The following LRRC55 variants were observed in gnomAD, a reference collection of about 807,000 sequenced individuals.
LRRC55 encodes the protein leucine-rich repeat-containing protein 55.
LRRC55 carries 11 observed loss-of-function variants against 20.5 expected under a neutral mutation model. The ratio of observed to expected loss-of-function variants is 0.54; its 90% CI spans 0.34 to 0.89. The LOEUF (loss-of-function observed/expected upper bound fraction) is 0.89, where lower values mean the gene tolerates loss of function less well. Among genes scored for constraint, LRRC55 ranks in the 40% least tolerant of loss-of-function variants. The pLI, the probability that LRRC55 is intolerant of heterozygous loss-of-function variation, is 0.02. For synonymous variants in LRRC55, 188 were observed against 166.6 expected (o/e 1.13, Z -0.99); for missense variants, 358 against 390.9 (o/e 0.92, Z 0.71).
chr11:57,183,782 A>G (rs905100367), intron 1 of LRRC55, among the ~76,000 whole-genome samples: 1 of 152,212 alleles, frequency 6.6e-6, no homozygotes, highest in African/African-American at 2.4e-5. Context: ...TCCCAACTGG[A>G]GGGTGGACTG....
At chr11:57,185,270 CTTTTTTTTTTTTTTT>C (rs58800728) in intron 1 of LRRC55, among the ~76,000 whole-genome samples, 104 of 89,442 alleles carry the variant, frequency 1.2e-3, no homozygotes, top group African/African-American at 5.1e-3. Flanking sequence ...CTTTTCTTTT[CTTTTTTTTTTTTTTT>C]TTTTTTTTTT....
chr11:57,187,812 C>CT lies in LRRC55; in HGVS notation c.*333dup. On this transcript the variant is annotated 3_prime_UTR_variant, in exon 2 of 2. Coordinates refer to ENST00000497933, the MANE Select transcript of LRRC55 (RefSeq NM_001005210.4). ...CCAGAGGAGGAGCCATCATCTGTATCTAGCAATGTCCATGAGAATTATAAG... is the reference window on the plus strand; with the variant it reads ...CCAGAGGAGGAGCCATCATCTGTATCTTAGCAATGTCCATGAGAATTATAAG... 1 of 405,788 alleles carries CT rather than the reference C, an allele frequency of 2.5e-6. No individual in the cohort carries two copies. The highest frequency in any genetic ancestry group is 4.5e-6 in the Non-Finnish European group (1 of 223,740). The allele number at this position is 405,788 out of a possible 1,614,324, so 25.1% of individuals were successfully genotyped here.
rs1255842065 is a variant in LRRC55 at position 57,191,568 on chromosome 11, T to C, written c.*4088T>C. 8.1e-6 allele frequency: 1 copy of C among 122,890 alleles called. No homozygotes were observed. The highest frequency in any genetic ancestry group is 1.6e-5 in the Non-Finnish European group (1 of 61,096). The allele number at this position is 122,890 out of a possible 1,614,324, so 7.6% of individuals were successfully genotyped here. A position where few individuals can be genotyped will look rare whatever the true frequency, so the allele number is the denominator to read the frequency against. ...TAAGCACTGTCCTGTAATGTGCTAA[T>C]GTCTGGGGGTGGGAGGGCTGGGGAG... On this transcript the variant is annotated 3_prime_UTR_variant, in exon 2 of 2. Transcript: ENST00000497933.
intron 1 of LRRC55, among the ~76,000 whole-genome samples, chr11:57,186,354 C>T (rs576746115): frequency 6.6e-6 from 1 of 152,234 alleles, no homozygotes; most frequent in East Asian, 1.9e-4. Flanking sequence ...TGTTCTCATG[C>T]TAAAGATACC....
In LRRC55 at chr11:57,187,106, G is replaced by C. The variant is rs1282244429; in HGVS notation, c.662-139G>C. On this transcript the variant is annotated intron_variant, in intron 1 of 1. Coordinates refer to ENST00000497933, the MANE Select transcript of LRRC55 (RefSeq NM_001005210.4). ...TTGAGAGTTGTTGAGGGAACTAAAG[G>C]AGTTAAGTAGAATTCTTGGCACATG... 6.6e-6 allele frequency: 5 copies of C among 758,844 alleles called. 1 individual carries two copies. In the East Asian group the frequency reaches 7.5e-5, roughly 11 times the overall value. The allele number at this position is 758,844 out of a possible 1,614,324, so 47.0% of individuals were successfully genotyped here.
Position 57,190,470 on chromosome 11 carries a change from C to T in LRRC55, c.*2990C>T, listed in dbSNP as rs766361952. ...TCTTGTCCAAGCTATCAGAAGCAACCTTCTAGAGATAATCTAACAATCCTG... is the reference window on the plus strand; with the variant it reads ...TCTTGTCCAAGCTATCAGAAGCAACTTTCTAGAGATAATCTAACAATCCTG... On this transcript the variant is annotated 3_prime_UTR_variant, in exon 2 of 2. Coordinates refer to ENST00000497933, the MANE Select transcript of LRRC55 (RefSeq NM_001005210.4). 1 of 152,214 alleles carries T rather than the reference C, an allele frequency of 6.6e-6. No individual in the cohort carries two copies. The highest frequency in any genetic ancestry group is 6.5e-5 in the Admixed American group (1 of 15,286). The allele number at this position is 152,214 out of a possible 1,614,324, so 9.4% of individuals were successfully genotyped here. A position where few individuals can be genotyped will look rare whatever the true frequency, so the allele number is the denominator to read the frequency against.
Position 57,189,779 on chromosome 11 carries a change from GC to G in LRRC55, c.*2302del. 6.6e-6 allele frequency: 1 copy of G among 152,152 alleles called. No homozygotes were observed. The highest frequency in any genetic ancestry group is 1.9e-4 in the East Asian group (1 of 5,190). 9.4% of individuals were successfully genotyped at this position (152,152 alleles called of 1,614,324 possible). On this transcript the variant is annotated 3_prime_UTR_variant, in exon 2 of 2. Coordinates refer to ENST00000497933, the MANE Select transcript of LRRC55 (RefSeq NM_001005210.4). ...CCCAAGCTCCAGCGGTATTCTATCAGCCCATCCTCCTGGAAAGCCTGAAAGG... is the reference window on the plus strand; with the variant it reads ...CCCAAGCTCCAGCGGTATTCTATCAGCCATCCTCCTGGAAAGCCTGAAAGG...
intron 1 of LRRC55, 106 bp from the exon 2 acceptor site, chr11:57,187,139 T>C: frequency 1.0e-6 from 1 of 1,002,760 alleles, no homozygotes; most frequent in Admixed American, 2.0e-5. Flanking sequence ...ATGGAAGAAC[T>C]TCAATGAATG....
At chr11:57,186,171 G>A (rs2135335232) in intron 1 of LRRC55, among the ~76,000 whole-genome samples, 1 of 152,282 alleles carries the variant, frequency 6.6e-6, no homozygotes, top group South Asian at 2.1e-4. Flanking sequence ...AGCAAGGGGT[G>A]AAGAGGGGAT....
chr11:57,185,675 GC>G (rs1018709813), intron 1 of LRRC55, among the ~76,000 whole-genome samples: 16 of 152,144 alleles, frequency 1.1e-4, no homozygotes, highest in Admixed American at 3.3e-4. Context: ...CAAGGTAAGA[GC>G]TTGATTAATA....
Position 57,187,544 on chromosome 11 carries a change from C to T in LRRC55, c.*64C>T. On this transcript the variant is annotated 3_prime_UTR_variant, in exon 2 of 2. Transcript: ENST00000497933. ...CAGCTGCTGGCCACCAGACGCCCTC[C>T]CTGACTGCTCACTCTGGTTCCATGG... The T allele has an allele frequency of 7.0e-7, 1 of 1,432,644 alleles. No homozygotes were observed. Among genetic ancestry groups the T allele is most frequent in the Non-Finnish European group, 9.6e-7 (1 of 1,039,100 alleles). The allele number at this position is 1,432,644 out of a possible 1,614,324, so 88.7% of individuals were successfully genotyped here.
At position 57,187,567 on chromosome 11, in the gene LRRC55, T is replaced by C; in HGVS notation, c.*87T>C. 2 of 1,265,352 alleles carry C rather than the reference T, an allele frequency of 1.6e-6. No individual in the cohort carries two copies. Among genetic ancestry groups the C allele is most frequent in the East Asian group, 2.5e-5 (1 of 40,006 alleles). The allele number at this position is 1,265,352 out of a possible 1,614,324, so 78.4% of individuals were successfully genotyped here. ...TCCCTGACTGCTCACTCTGGTTCCA[T>C]GGTGACCTGGCTGCCTCAGTCATGG... is the stretch of plus-strand genomic sequence containing the variant. On this transcript the variant is annotated 3_prime_UTR_variant, in exon 2 of 2. Coordinates refer to ENST00000497933, the MANE Select transcript of LRRC55 (RefSeq NM_001005210.4).
rs1304026829 is a variant in LRRC55 at position 57,182,123 on chromosome 11, C to G, written c.101C>G (p.Ala34Gly). Reference protein sequence around the residue: ...LLAAGLMHSDAGTSCPVLCTC... With the variant: ...LLAAGLMHSDGGTSCPVLCTC... ...GCAGCCGGGTTGATGCACTCGGATG[C>G]CGGCACCAGCTGCCCCGTCCTTTGC... The change falls in exon 1 of 2, where the codon GCC becomes GGC. Residue 34 changes from alanine to glycine, a missense_variant. Ala to Gly is a moderately conservative substitution (Grantham distance 60, BLOSUM62 0). Around this residue, in one of 3 missense-constraint regions of LRRC55, gnomAD observed 175 missense variants for 164.5 expected, o/e 1.06. Transcript: ENST00000497933. The G allele has an allele frequency of 6.2e-7, 1 of 1,614,022 alleles. No homozygotes were observed. Among genetic ancestry groups the G allele is most frequent in the Non-Finnish European group, 8.5e-7 (1 of 1,180,048 alleles).
intron 1 of LRRC55, among the ~76,000 whole-genome samples, chr11:57,185,399 G>A (rs1854419453): frequency 6.8e-6 from 1 of 146,214 alleles, no homozygotes; most frequent in Admixed American, 7.0e-5. Context: ...TCCTGCCTCA[G>A]CCTCCCGAGT....
At chr11:57,184,025 G>C (rs537989527) in intron 1 of LRRC55, among the ~76,000 whole-genome samples, 22 of 152,340 alleles carry the variant, frequency 1.4e-4, no homozygotes, top group African/African-American at 5.3e-4. Flanking sequence ...GCTGAATGTG[G>C]TAAAAGGGAG....
At position 57,182,196 on chromosome 11, in the gene LRRC55, C is replaced by T. The variant is rs371025476; in HGVS notation, c.174C>T (p.Ser58=). ...ATTGTAGCAGCCAGCGGCTATTCTC[C>T]GTGCCCCCAGACCTGCCAATGGACA... The part of the protein sequence containing the change: ...VVDCSSQRLF[S]VPPDLPMDTR... The change falls in exon 1 of 2, where the codon TCC becomes TCT. Residue 58 remains serine, a synonymous_variant. Coordinates refer to ENST00000497933, the MANE Select transcript of LRRC55 (RefSeq NM_001005210.4). The T allele has an allele frequency of 5.3e-5, 86 of 1,614,076 alleles. No homozygotes were observed. Among genetic ancestry groups the T allele is most frequent in the Admixed American group, 1.0e-4 (6 of 60,008 alleles).
chr11:57,185,234 T>C (rs1854415018), intron 1 of LRRC55, among the ~76,000 whole-genome samples: 1 of 151,228 alleles, frequency 6.6e-6, no homozygotes, highest in Non-Finnish European at 1.5e-5. Context: ...TCTCAGAAAA[T>C]TTAGATTGGA....
At position 57,182,628 on chromosome 11, in the gene LRRC55, C is replaced by T. The variant is rs2135331738; in HGVS notation, c.606C>T (p.Cys202=). 1 of 1,520,502 alleles carries T rather than the reference C, an allele frequency of 6.6e-7. No homozygotes were observed. The highest frequency in any genetic ancestry group is 8.8e-7 in the Non-Finnish European group (1 of 1,135,502). The allele number at this position is 1,520,502 out of a possible 1,614,324, so 94.2% of individuals were successfully genotyped here. A position where few individuals can be genotyped will look rare whatever the true frequency, so the allele number is the denominator to read the frequency against. Residue 202 remains cysteine, a synonymous_variant, in exon 1 of 2, where the codon TGC becomes TGT. Coordinates refer to ENST00000497933, the MANE Select transcript of LRRC55 (RefSeq NM_001005210.4). ...GTGGCAATCCCTGGGTGTGTGGCTG[C>T]ACCATGGAACCCCTGCTGAAGTGGC... ...QIGGNPWVCG[C]TMEPLLKWLR...
chr11:57,182,701 C>A lies in LRRC55; in HGVS notation c.661+18C>A, dbSNP rs57148791. The A allele has an allele frequency of 4.1e-6, 6 of 1,462,926 alleles. No homozygotes were observed. Among genetic ancestry groups the A allele is most frequent in the Non-Finnish European group, 5.4e-6 (6 of 1,104,244 alleles). 90.6% of individuals were successfully genotyped at this position (1,462,926 alleles called of 1,614,324 possible). ...TACAGCAGGTAATAGAGGGGCAGAA[C>A]GGGGCAGTCAACAGGGAGGGCTTGC... is the stretch of plus-strand genomic sequence containing the variant. On this transcript the variant is annotated intron_variant, in intron 1 of 1. Transcript: ENST00000497933.
Sources: gnomAD v4.1 joint callset for allele counts (sites outside exome capture counted in the v4.1 genomes callset) on GRCh38, gnomAD v4.1.1 for gene constraint, gnomAD v4.1.1 regional missense constraint, MANE v1.5 for transcripts, NCBI Gene and HGNC (gene_info 2026-07-23, HGNC 2026-07-21) for gene names.